The following PPFIBP1 variants were observed in gnomAD, a reference collection of about 807,000 sequenced individuals.
The protein encoded by PPFIBP1 is PPFIB scaffold protein 1.
Under a neutral mutation model 137.8 loss-of-function variants are expected in PPFIBP1, and 112 were observed. The observed-to-expected ratio is 0.81, with a 90% CI of 0.70 to 0.95. The LOEUF (loss-of-function observed/expected upper bound fraction) is 0.95. Ranked by LOEUF, PPFIBP1 falls within the 40% of genes least tolerant of loss-of-function variation. The pLI, the probability that PPFIBP1 is intolerant of heterozygous loss-of-function variation, is 0.00. For synonymous variants in PPFIBP1, 378 were observed against 417.3 expected (o/e 0.91, Z 1.15); for missense variants, 1,083 against 1,196.6 (o/e 0.91, Z 1.40).
chr12:27,575,816 A>AT (rs1194142807), intron 1 of PPFIBP1, among the ~76,000 whole-genome samples: 2 of 152,022 alleles, frequency 1.3e-5, no homozygotes, highest in Non-Finnish European at 2.9e-5. Flanking sequence ...TGTCATTGAG[A>AT]TTTTTTGCGA....
At chr12:27,688,693 A>G (rs926504107) in intron 26 of PPFIBP1, among the ~76,000 whole-genome samples, 3 of 152,184 alleles carry the variant, frequency 2.0e-5, no homozygotes, top group Non-Finnish European at 4.4e-5. Flanking sequence ...AAACCCCTGC[A>G]AGGATGCAGA....
At chr12:27,643,151 T>C (rs1463224375) in intron 4 of PPFIBP1, among the ~76,000 whole-genome samples, 1 of 146,336 alleles carries the variant, frequency 6.8e-6, no homozygotes, top group African/African-American at 2.5e-5. Context: ...CCAGTCTAGA[T>C]AGAGGTCAAC....
chr12:27,675,829 CCATT>C (rs1326178589), intron 17 of PPFIBP1, among the ~76,000 whole-genome samples: 1 of 152,136 alleles, frequency 6.6e-6, no homozygotes, highest in Non-Finnish European at 1.5e-5. Context: ...CTCTAATTGC[CCATT>C]CAAAGAACCA....
rs1324587205 is a variant in PPFIBP1 at position 27,681,537 on chromosome 12, T to C, written c.1896-9T>C. 1.9e-6 allele frequency: 3 copies of C among 1,613,008 alleles called. No homozygotes were observed. In the African/African-American group the frequency reaches 4.0e-5, roughly 22 times the overall value. On this transcript the variant is annotated splice_polypyrimidine_tract_variant and intron_variant, in intron 21 of 29. Transcript: ENST00000228425. ...ATTATTTTTCATGCAATTACTCATT[T>C]TCCTGTAGTGACTTGGATATGCCAT...
At chr12:27,526,749 C>T (rs144932255) in intron 1 of PPFIBP1, among the ~76,000 whole-genome samples, 1,572 of 152,214 alleles carry the variant, frequency 0.01, 24 homozygotes, top group African/African-American at 0.036. Context: ...GCAGGAGAAT[C>T]GCTTGAACCC....
chr12:27,677,452 C>A (rs1447437105), intron 19 of PPFIBP1: 1 of 274,742 alleles, frequency 3.6e-6, no homozygotes, highest in Non-Finnish European at 6.9e-6. Flanking sequence ...CAGGTCCTTG[C>A]AGTCCGTTCT....
chr12:27,653,586 TAAA>T (rs11306083), intron 7 of PPFIBP1, among the ~76,000 whole-genome samples: 15 of 107,574 alleles, frequency 1.4e-4, no homozygotes, highest in Admixed American at 1.0e-4. Flanking sequence ...GACTCCATCT[TAAA>T]AAAAAAAAAA....
chr12:27,650,031 T>A lies in PPFIBP1; in HGVS notation c.493T>A (p.Leu165Ile). 1 of 1,604,056 alleles carries A rather than the reference T, an allele frequency of 6.2e-7. No homozygotes were observed. Among genetic ancestry groups the A allele is most frequent in the Non-Finnish European group, 8.5e-7 (1 of 1,171,252 alleles). The stretch of plus-strand genomic sequence containing the variant: ...ATAGGAGCTTCTAAGTAGGACATCC[T>A]TAGAAACTCAGAAGTTGGATCTGAT... ...LQQELLSRTS[L>I]ETQKLDLMAE... is the part of the protein sequence containing the mutation. The change falls in exon 7 of 30, where the codon TTA becomes ATA. Residue 165 changes from leucine (L) to isoleucine (I), a missense_variant. Coordinates refer to ENST00000228425, the MANE Select transcript of PPFIBP1 (RefSeq NM_003622.4).
rs556223570 is a variant in PPFIBP1, at chr12:27,611,557, G to A, written c.-35-21805G>A. The stretch of plus-strand genomic sequence containing the variant: ...GATTTCAACATATAAATTTTGAAAG[G>A]ACATAATTAAACACATCACATCATC... On this transcript the variant is annotated intron_variant, in intron 2 of 29. Coordinates refer to ENST00000228425, the MANE Select transcript of PPFIBP1 (RefSeq NM_003622.4). Among the ~76,000 whole-genome samples the A allele has an allele frequency of 9.2e-5, 14 of 152,234 alleles. No homozygotes were observed. In the South Asian group the frequency reaches 2.9e-3, roughly 32 times the overall value.
rs532152376 is a variant in PPFIBP1, at chr12:27,694,785, G to T, written c.*1903G>T. 1.2e-4 allele frequency: 18 copies of T among 152,290 alleles called. No homozygotes were observed. Among genetic ancestry groups the T allele is most frequent in the African/African-American group, 3.4e-4 (14 of 41,558 alleles). 9.4% of individuals were successfully genotyped at this position (152,290 alleles called of 1,614,324 possible). A position where few individuals can be genotyped will look rare whatever the true frequency, so the allele number is the denominator to read the frequency against. ...TGGTAGCCAACCCTACAAAAGACAG[G>T]TTTTCACAAATTGAGGTGGAGGTGG... is the stretch of plus-strand genomic sequence containing the variant. On this transcript the variant is annotated 3_prime_UTR_variant, in exon 30 of 30. Coordinates refer to ENST00000228425, the MANE Select transcript of PPFIBP1 (RefSeq NM_003622.4).
intron 12 of PPFIBP1, among the ~76,000 whole-genome samples, chr12:27,664,713 A>G (rs2059755236): frequency 6.6e-6 from 1 of 152,218 alleles, no homozygotes; most frequent in Non-Finnish European, 1.5e-5. Flanking sequence ...CAGTATATGC[A>G]GAGAGCCTAG....
chr12:27,558,093 G>T (rs1407052800), intron 1 of PPFIBP1, among the ~76,000 whole-genome samples: 2 of 152,060 alleles, frequency 1.3e-5, no homozygotes, highest in Non-Finnish European at 2.9e-5. Context: ...CTACATACGT[G>T]GTTCTTAGGA....
chr12:27,670,902 A>C (rs928723812), intron 13 of PPFIBP1, among the ~76,000 whole-genome samples: 1 of 151,968 alleles, frequency 6.6e-6, no homozygotes, highest in Non-Finnish European at 1.5e-5. Context: ...CTTATTTTAC[A>C]GAGGGTGAAA....
chr12:27,615,296 T>G (rs973647160), intron 2 of PPFIBP1, among the ~76,000 whole-genome samples: 1 of 152,226 alleles, frequency 6.6e-6, no homozygotes, highest in African/African-American at 2.4e-5. Flanking sequence ...GCACTCCAAC[T>G]TTGTGTTTTG....
intron 13 of PPFIBP1, among the ~76,000 whole-genome samples, chr12:27,667,903 A>G (rs573230264): frequency 2.0e-5 from 3 of 152,148 alleles, no homozygotes; most frequent in Non-Finnish European, 4.4e-5. Context: ...GGCCCGGGCA[A>G]CTTTGCATCG....
chr12:27,598,552 G>C (rs1592742861), intron 2 of PPFIBP1, among the ~76,000 whole-genome samples: 1 of 39,160 alleles, frequency 2.6e-5, no homozygotes, highest in Non-Finnish European at 6.6e-5. Flanking sequence ...GTGTGTGTGT[G>C]TGTGTGTGTG....
rs139847569 is a variant in PPFIBP1 at position 27,613,351 on chromosome 12, G to A, written c.-35-20011G>A. Among the ~76,000 whole-genome samples the A allele has an allele frequency of 4.6e-3, 695 of 152,346 alleles. 7 individuals carry two copies. Among genetic ancestry groups the A allele is most frequent in the African/African-American group, 0.016 (659 of 41,568 alleles). On this transcript the variant is annotated intron_variant, in intron 2 of 29. Coordinates refer to ENST00000228425, the MANE Select transcript of PPFIBP1 (RefSeq NM_003622.4). ...ATAAATTCCAATATCTGAATTGACA[G>A]AAGTACTCTCTCCAGGGTAGATATG...
intron 2 of PPFIBP1, among the ~76,000 whole-genome samples, chr12:27,581,841 G>A (rs75480577): frequency 0.037 from 5,600 of 151,886 alleles, 133 homozygotes; most frequent in Middle Eastern, 0.082. Flanking sequence ...CTCACAAAAT[G>A]TTTTCTTTTC....
At chr12:27,528,043 G>A (rs538563359) in intron 1 of PPFIBP1, among the ~76,000 whole-genome samples, 4 of 152,236 alleles carry the variant, frequency 2.6e-5, no homozygotes, top group African/African-American at 9.6e-5. Context: ...CCACTTCCCG[G>A]GTTCAAATGA....
Sources: gnomAD v4.1 joint callset for allele counts (sites outside exome capture counted in the v4.1 genomes callset) on GRCh38, gnomAD v4.1.1 for gene constraint, MANE v1.5 for transcripts, NCBI Gene and HGNC (gene_info 2026-07-23, HGNC 2026-07-21) for gene names.